The following RBFOX1 variants were observed in gnomAD, a reference collection of about 807,000 sequenced individuals.
RBFOX1 encodes the protein RNA binding protein fox-1 homolog 1.
In RBFOX1, 8 loss-of-function variants were observed where a neutral mutation model predicts 57.7. The observed-to-expected ratio is 0.14, with a 90% CI of 0.08 to 0.25. The LOEUF (loss-of-function observed/expected upper bound fraction) is 0.25, where lower values mean the gene tolerates loss of function less well. RBFOX1 is among the 10% of genes least tolerant of loss of function. RBFOX1 has a pLI of 1.00. For synonymous variants in RBFOX1, 326 were observed against 222.4 expected (o/e 1.47, Z -4.15); for missense variants, 611 against 548.5 (o/e 1.11, Z -1.14).
chr16:7,702,657 C>G (rs2081137999), intron 14 of RBFOX1, among the ~76,000 whole-genome samples: 6 of 152,170 alleles, frequency 3.9e-5, no homozygotes, highest in Admixed American at 3.9e-4. Flanking sequence ...CTTTTCCTGG[C>G]CAATATTGGC....
chr16:5,433,668 C>T (rs74004303), intron 1 of RBFOX1, among the ~76,000 whole-genome samples: 2,010 of 152,262 alleles, frequency 0.013, 48 homozygotes, highest in African/African-American at 0.045. Flanking sequence ...TGGCATTTGT[C>T]GCAATTACAA....
chr16:7,707,641 G>T (rs1203715519), intron 14 of RBFOX1, among the ~76,000 whole-genome samples: 2 of 152,140 alleles, frequency 1.3e-5, no homozygotes, highest in Non-Finnish European at 2.9e-5. Flanking sequence ...ATTGCCCCAT[G>T]TCAGAGGAAG....
At chr16:6,777,085 G>T (rs956132328) in intron 3 of RBFOX1, among the ~76,000 whole-genome samples, 10 of 152,130 alleles carry the variant, frequency 6.6e-5, no homozygotes, top group Admixed American at 5.9e-4. Context: ...TAACCGTGTT[G>T]TATACTCAAT....
At chr16:6,944,787 A>T (rs1299231017) in intron 3 of RBFOX1, among the ~76,000 whole-genome samples, 1 of 152,292 alleles carries the variant, frequency 6.6e-6, no homozygotes, top group East Asian at 1.9e-4. Context: ...TATCTCATCT[A>T]TGCCAACTAG....
chr16:6,284,685 G>A lies in RBFOX1; in HGVS notation c.-126-32310G>A, dbSNP rs529079086. 5.6e-4 allele frequency among the ~76,000 whole-genome samples: 85 copies of A among 152,256 alleles called. 1 individual carries two copies. The highest frequency in any genetic ancestry group is 1.9e-3 in the African/African-American group (80 of 41,542). ...TTCTTTCATGCCACTTTGTAAAGAT[G>A]AACAACTATTCAATCACGGTGCAGA... On this transcript the variant is annotated intron_variant, in intron 1 of 15. Transcript: ENST00000550418.
chr16:6,605,936 C>G (rs1342568381), intron 2 of RBFOX1, among the ~76,000 whole-genome samples: 1 of 151,944 alleles, frequency 6.6e-6, no homozygotes, highest in Non-Finnish European at 1.5e-5. Flanking sequence ...CTCGTCTCTA[C>G]TAAAATTACA....
intron 1 of RBFOX1, among the ~76,000 whole-genome samples, chr16:6,201,650 A>G (rs903383738): frequency 6.6e-6 from 1 of 152,106 alleles, no homozygotes; most frequent in Admixed American, 6.6e-5. Context: ...GTATTTTCTA[A>G]AATAACTAAA....
At chr16:6,765,423 G>C (rs1461091710) in intron 3 of RBFOX1, among the ~76,000 whole-genome samples, 1 of 152,030 alleles carries the variant, frequency 6.6e-6, no homozygotes, top group Non-Finnish European at 1.5e-5. Flanking sequence ...AATAACTGTT[G>C]AGTATTAGAC....
At chr16:6,147,855 T>A (rs1165807703) in intron 1 of RBFOX1, among the ~76,000 whole-genome samples, 2 of 152,226 alleles carry the variant, frequency 1.3e-5, no homozygotes, top group East Asian at 3.9e-4. Context: ...AATTGTATGT[T>A]TCTACCTTCA....
At chr16:5,597,381 C>A (rs935488742) in intron 2 of RBFOX1, among the ~76,000 whole-genome samples, 9 of 146,050 alleles carry the variant, frequency 6.2e-5, no homozygotes, top group Non-Finnish European at 1.2e-4. Flanking sequence ...TGACCCCAGG[C>A]CAAAGCTTGC....
chr16:5,836,993 T>C (rs1014799860), intron 3 of RBFOX1, among the ~76,000 whole-genome samples: 1 of 152,210 alleles, frequency 6.6e-6, no homozygotes, highest in African/African-American at 2.4e-5. Flanking sequence ...GGTCATGTGA[T>C]AGTCTTCCCT....
At chr16:6,202,144 A>G (rs2097219530) in intron 1 of RBFOX1, among the ~76,000 whole-genome samples, 2 of 152,218 alleles carry the variant, frequency 1.3e-5, no homozygotes, top group Admixed American at 1.3e-4. Flanking sequence ...ACCAGTTTCT[A>G]ACGGAGCAAC....
At chr16:7,217,023 C>CCCTTCCTCCCTCCCTT (rs1567748487) in intron 4 of RBFOX1, among the ~76,000 whole-genome samples, 6 of 84,124 alleles carry the variant, frequency 7.1e-5, no homozygotes, top group Admixed American at 2.5e-4. Flanking sequence ...CTCCCTCCCT[C>CCCTTCCTCCCTCCCTT]CCTCCCTCCC....
intron 2 of RBFOX1, among the ~76,000 whole-genome samples, chr16:6,598,096 C>T (rs2097795639): frequency 6.6e-6 from 1 of 152,316 alleles, no homozygotes; most frequent in African/African-American, 2.4e-5. Flanking sequence ...CAGAAGGCAT[C>T]CTTATAGATG....
chr16:7,090,228 C>T (rs554926834), intron 4 of RBFOX1, among the ~76,000 whole-genome samples: 3 of 152,058 alleles, frequency 2.0e-5, no homozygotes, highest in Admixed American at 2.0e-4. Context: ...CAAGGAGAGA[C>T]AATAAAATAG....
chr16:5,536,225 TGTC>T (rs1392006872), intron 2 of RBFOX1, among the ~76,000 whole-genome samples: 6 of 134,858 alleles, frequency 4.4e-5, no homozygotes, highest in African/African-American at 1.7e-4. Context: ...GGAAATCTCC[TGTC>T]TTTTTTTTTT....
At chr16:5,418,781 T>C (rs1232406328) in intron 1 of RBFOX1, among the ~76,000 whole-genome samples, 1 of 152,172 alleles carries the variant, frequency 6.6e-6, no homozygotes, top group Non-Finnish European at 1.5e-5. Context: ...TTCTGCACGA[T>C]TTATGGAGAA....
chr16:5,821,854 G>T (rs755830365), intron 3 of RBFOX1, among the ~76,000 whole-genome samples: 1 of 152,202 alleles, frequency 6.6e-6, no homozygotes, highest in South Asian at 2.1e-4. Flanking sequence ...GGGCAAAAAG[G>T]GCCCAGCCAG....
chr16:5,790,824 T>C (rs983011584), intron 3 of RBFOX1, among the ~76,000 whole-genome samples: 10 of 151,946 alleles, frequency 6.6e-5, no homozygotes, highest in African/African-American at 2.4e-4. Context: ...CTTGTGGCCC[T>C]CTGCCCGTTT....
Sources: allele counts gnomAD v4.1 joint callset (sites outside exome capture counted in the v4.1 genomes callset), GRCh38; gene constraint gnomAD v4.1.1; transcripts MANE v1.5; gene names NCBI Gene and HGNC (gene_info 2026-07-23, HGNC 2026-07-21).